The following NRM variants were observed in gnomAD, a reference collection of about 807,000 sequenced individuals.
NRM encodes the protein nurim, also known as nuclear rim protein.
NRM carries 19 observed loss-of-function variants against 23.4 expected under a neutral mutation model. The observed-to-expected ratio is 0.81, with a 90% CI of 0.57 to 1.19. The LOEUF (loss-of-function observed/expected upper bound fraction) is 1.19, where lower values mean the gene tolerates loss of function less well. NRM is among the 50% of genes most tolerant of loss of function. The pLI, the probability that NRM is intolerant of heterozygous loss-of-function variation, is 0.00. For synonymous variants in NRM, 140 were observed against 143.5 expected (o/e 0.98, Z 0.17); for missense variants, 232 against 329.7 (o/e 0.70, Z 2.30).
Position 30,690,500 on chromosome 6 carries a change from G to A in NRM, c.134-257C>T. 1 of 1,490,810 alleles carries A rather than the reference G, an allele frequency of 6.7e-7. No homozygotes were observed. Among genetic ancestry groups the A allele is most frequent in the Non-Finnish European group, 9.0e-7 (1 of 1,106,662 alleles). 92.3% of individuals were successfully genotyped at this position (1,490,810 alleles called of 1,614,324 possible). A position where few individuals can be genotyped will look rare whatever the true frequency, so the allele number is the denominator to read the frequency against. Reference sequence around the variant, plus strand: ...AGTTGCAAAAAGCATGGCTGGAGAGGCCACGCTGGATTGCCCCTCTTACTT... The same window carrying A: ...AGTTGCAAAAAGCATGGCTGGAGAGACCACGCTGGATTGCCCCTCTTACTT... On this transcript the variant is annotated intron_variant, in intron 1 of 3. Coordinates refer to ENST00000376421, the MANE Select transcript of NRM (RefSeq NM_001384369.1). This position sits in a 1 kb window ranked among gnomAD's most constrained non-coding sequence, Gnocchi z 5.5.
At position 30,689,087 on chromosome 6, in the gene NRM, T is replaced by A; in HGVS notation, c.508-145A>T. The A allele has an allele frequency of 8.8e-7, 1 of 1,130,240 alleles. No individual in the cohort carries two copies. The highest frequency in any genetic ancestry group is 1.2e-6 in the Non-Finnish European group (1 of 814,740). The allele number at this position is 1,130,240 out of a possible 1,614,324, so 70.0% of individuals were successfully genotyped here. A position where few individuals can be genotyped will look rare whatever the true frequency, so the allele number is the denominator to read the frequency against. Reference sequence around the variant, plus strand: ...GACTTGGATCCCTGATCCTGACTTCTGATCCATGTACCTTCCCCAGGCCCA... The same window carrying A: ...GACTTGGATCCCTGATCCTGACTTCAGATCCATGTACCTTCCCCAGGCCCA... On this transcript the variant is annotated intron_variant, in intron 3 of 3. Coordinates refer to ENST00000376421, the MANE Select transcript of NRM (RefSeq NM_001384369.1). The surrounding 1 kb of genome is among the most constrained non-coding windows in gnomAD (Gnocchi z 4.7).
upstream of NRM, chr6:30,691,032 C>T: frequency 6.5e-7 from 1 of 1,536,610 alleles, no homozygotes; most frequent in Non-Finnish European, 8.8e-7. Flanking sequence ...TGCCACAGGC[C>T]CCGCCCGCGG....
At chr6:30,691,069 G>A (rs1321478892), upstream of NRM, 2 of 1,413,942 alleles carry the variant, frequency 1.4e-6, no homozygotes. Flanking sequence ...ATCCAGCCCA[G>A]GAGGGCGGGG....
Position 30,688,678 on chromosome 6 carries a change from C to G in NRM, c.772G>C (p.Asp258His). The G allele has an allele frequency of 6.2e-7, 1 of 1,613,768 alleles. No individual in the cohort carries two copies. The highest frequency in any genetic ancestry group is 8.5e-7 in the Non-Finnish European group (1 of 1,179,852). ...RKLHLLSRPQ[D>H]GEAE ...TGAGCTCCTCACTCTGCCTCCCCAT[C>G]CTGGGGCCGAGAGAGCAGGTGGAGT... The change falls in exon 4 of 4, where the codon GAT (aspartate) becomes CAT (histidine). Residue 258 changes from aspartate to histidine, a missense_variant. Asp to His is a moderately conservative substitution (Grantham distance 81). Coordinates refer to ENST00000376421, the MANE Select transcript of NRM (RefSeq NM_001384369.1). The surrounding 1 kb of genome is among the most constrained non-coding windows in gnomAD (Gnocchi z 5.9).
At position 30,690,943 on chromosome 6, in the gene NRM, G is replaced by A. The variant is rs1243249847; in HGVS notation, c.32C>T (p.Ala11Val). Reference protein sequence around the residue: MAPALLLIPAALASFILAFGT... With the variant: MAPALLLIPAVLASFILAFGT... Reference sequence around the variant, plus strand: ...AAAGGCCAGGATGAAAGAGGCGAGGGCAGCAGGGATCAGGAGCAGTGCAGG... The same window carrying A: ...AAAGGCCAGGATGAAAGAGGCGAGGACAGCAGGGATCAGGAGCAGTGCAGG... The change falls in exon 1 of 4, where the codon GCC (alanine) becomes GTC (valine). Residue 11 changes from alanine (A) to valine (V), a missense_variant. Coordinates refer to ENST00000376421, the MANE Select transcript of NRM (RefSeq NM_001384369.1). The surrounding 1 kb of genome is among the most constrained non-coding windows in gnomAD (Gnocchi z 5.5). 4.4e-6 allele frequency: 7 copies of A among 1,607,916 alleles called. No individual in the cohort carries two copies. The Admixed American group carries it at 1.2e-4, about 27-fold the overall frequency.
Position 30,689,462 on chromosome 6 carries a change from G to A in NRM, c.331-10C>T, listed in dbSNP as rs1242722384. ...AGTACCGCATCACCAGCTGTGGAAG[G>A]ATAAGGGGCTGGGTATCCCAGTGGC... On this transcript the variant is annotated splice_polypyrimidine_tract_variant and intron_variant, in intron 2 of 3. Transcript: ENST00000376421. This position sits in a 1 kb window ranked among gnomAD's most constrained non-coding sequence, Gnocchi z 4.7. 1 of 1,563,346 alleles carries A rather than the reference G, an allele frequency of 6.4e-7. No individual in the cohort carries two copies. Among genetic ancestry groups the A allele is most frequent in the East Asian group, 2.4e-5 (1 of 41,870 alleles).
In NRM at chr6:30,689,201, G is replaced by GA; in HGVS notation, c.507+74dup. 65 of 1,383,320 alleles carry GA rather than the reference G, an allele frequency of 4.7e-5. No homozygotes were observed. Among genetic ancestry groups the GA allele is most frequent in the Non-Finnish European group, 6.2e-5 (63 of 1,018,304 alleles). The allele number at this position is 1,383,320 out of a possible 1,614,324, so 85.7% of individuals were successfully genotyped here. On this transcript the variant is annotated intron_variant, in intron 3 of 3. Transcript: ENST00000376421. The surrounding 1 kb of genome is among the most constrained non-coding windows in gnomAD (Gnocchi z 4.7). ...GGGAGACAGTAGAAGAGCATGGGAG[G>GA]AGGGAAACCCTTGAAAGGGAACGAG...
At position 30,689,210 on chromosome 6, in the gene NRM, C is replaced by T; in HGVS notation, c.507+66G>A. ...TAGAAGAGCATGGGAGGAGGGAAAC[C>T]CTTGAAAGGGAACGAGGAGTTCTAA... On this transcript the variant is annotated intron_variant, in intron 3 of 3. Transcript: ENST00000376421. The surrounding 1 kb of genome is among the most constrained non-coding windows in gnomAD (Gnocchi z 4.7). 7 of 1,442,430 alleles carry T rather than the reference C, an allele frequency of 4.9e-6. No homozygotes were observed. Among genetic ancestry groups the T allele is most frequent in the Non-Finnish European group, 5.6e-6 (6 of 1,067,602 alleles). The allele number at this position is 1,442,430 out of a possible 1,614,324, so 89.4% of individuals were successfully genotyped here.
chr6:30,689,996 T>C lies in NRM; in HGVS notation c.330+51A>G. ...GCACCCCTCCCACACTTGGTCTCCC[T>C]TGGGGACTCAACTGCCAGGATTTCA... On this transcript the variant is annotated intron_variant, in intron 2 of 3. Coordinates refer to ENST00000376421, the MANE Select transcript of NRM (RefSeq NM_001384369.1). This position sits in a 1 kb window ranked among gnomAD's most constrained non-coding sequence, Gnocchi z 4.7. The C allele has an allele frequency of 6.3e-7, 1 of 1,578,266 alleles. No homozygotes were observed. The highest frequency in any genetic ancestry group is 8.6e-7 in the Non-Finnish European group (1 of 1,167,872).
At position 30,690,905 on chromosome 6, in the gene NRM, C is replaced by G. The variant is rs775927138; in HGVS notation, c.70G>C (p.Glu24Gln). ...SFILAFGTGV[E>Q]FVRFTSLRPL... ...CGAAGGGAGGTAAAGCGCACGAACT[C>G]CACTCCGGTGCCAAAGGCCAGGATG... The change falls in exon 1 of 4, where the codon GAG (glutamate) becomes CAG (glutamine). Residue 24 changes from glutamate to glutamine, a missense_variant. Transcript: ENST00000376421. This position sits in a 1 kb window ranked among gnomAD's most constrained non-coding sequence, Gnocchi z 5.5. 4 of 1,613,102 alleles carry G rather than the reference C, an allele frequency of 2.5e-6. No individual in the cohort carries two copies. In the Admixed American group the frequency reaches 6.7e-5, roughly 27 times the overall value.
At chr6:30,691,004 C>T (rs967211775), upstream of NRM, 15 of 594,352 alleles carry the variant, frequency 2.5e-5, no homozygotes, top group Non-Finnish European at 3.9e-5. Flanking sequence ...GGGAAAGGGG[C>T]GGGGTCGGGA....
rs1361996655 is a variant in NRM at position 30,689,818 on chromosome 6, A to G, written c.330+229T>C. Among the ~76,000 whole-genome samples, 1 of 152,198 alleles carries G rather than the reference A, an allele frequency of 6.6e-6. No individual in the cohort carries two copies. The highest frequency in any genetic ancestry group is 1.5e-5 in the Non-Finnish European group (1 of 68,028). ...AAGGGATCTCAAGCAGGACATAAACAAAGTTGCAGAGGTGAGAAGCATATC... is the reference window on the plus strand; with the variant it reads ...AAGGGATCTCAAGCAGGACATAAACGAAGTTGCAGAGGTGAGAAGCATATC... On this transcript the variant is annotated intron_variant, in intron 2 of 3. Coordinates refer to ENST00000376421, the MANE Select transcript of NRM (RefSeq NM_001384369.1). This position sits in a 1 kb window ranked among gnomAD's most constrained non-coding sequence, Gnocchi z 4.7.
chr6:30,689,249 T>C lies in NRM; in HGVS notation c.507+27A>G. ...GAGGAGTTCTAAAATGGGTCAGAGG[T>C]CATAGGTAGGGATCTCGGAGCCTCA... On this transcript the variant is annotated intron_variant, in intron 3 of 3. Transcript: ENST00000376421. The surrounding 1 kb of genome is among the most constrained non-coding windows in gnomAD (Gnocchi z 4.7). 6.5e-7 allele frequency: 1 copy of C among 1,545,412 alleles called. No individual in the cohort carries two copies.
In NRM at chr6:30,689,039, A is replaced by T. The variant is rs975285933; in HGVS notation, c.508-97T>A. 4.5e-6 allele frequency: 6 copies of T among 1,338,754 alleles called. No homozygotes were observed. The African/African-American group carries it at 8.8e-5, about 20-fold the overall frequency. 82.9% of individuals were successfully genotyped at this position (1,338,754 alleles called of 1,614,324 possible). A position where few individuals can be genotyped will look rare whatever the true frequency, so the allele number is the denominator to read the frequency against. On this transcript the variant is annotated intron_variant, in intron 3 of 3. Transcript: ENST00000376421. The surrounding 1 kb of genome is among the most constrained non-coding windows in gnomAD (Gnocchi z 4.7). The stretch of plus-strand genomic sequence containing the variant: ...TCCAGGCACCACCCTTCTAGAACTC[A>T]GGCCCAGGAACCCCCCTTCTGAGAC...
Position 30,689,403 on chromosome 6 carries a change from T to TC in NRM, c.379dup (p.Glu127GlyfsTer5). The TC allele has an allele frequency of 6.4e-7, 1 of 1,572,600 alleles. No homozygotes were observed. The highest frequency in any genetic ancestry group is 8.6e-7 in the Non-Finnish European group (1 of 1,159,068). ...GGTGGCCCATGGCTCAGCCCGAGCCTCCCACAACACAGGGCCTTTGGGTAT... is the reference window on the plus strand; with the variant it reads ...GGTGGCCCATGGCTCAGCCCGAGCCTCCCCACAACACAGGGCCTTTGGGTAT... On this transcript the variant is annotated frameshift_variant, in exon 3 of 4. Coordinates refer to ENST00000376421, the MANE Select transcript of NRM (RefSeq NM_001384369.1). LOFTEE classifies it high-confidence loss of function. The surrounding 1 kb of genome is among the most constrained non-coding windows in gnomAD (Gnocchi z 4.7).
Position 30,689,923 on chromosome 6 carries a change from G to T in NRM, c.330+124C>A. The stretch of plus-strand genomic sequence containing the variant: ...TGTGGAGGAATGGAAGCTGAGATTA[G>T]TTCCTCAATTCTCCTCCTGAACCCA... On this transcript the variant is annotated intron_variant, in intron 2 of 3. Transcript: ENST00000376421. The surrounding 1 kb of genome is among the most constrained non-coding windows in gnomAD (Gnocchi z 4.7). 1 of 871,394 alleles carries T rather than the reference G, an allele frequency of 1.1e-6. No individual in the cohort carries two copies. The highest frequency in any genetic ancestry group is 1.8e-6 in the Non-Finnish European group (1 of 566,578). The allele number at this position is 871,394 out of a possible 1,614,324, so 54.0% of individuals were successfully genotyped here. A position where few individuals can be genotyped will look rare whatever the true frequency, so the allele number is the denominator to read the frequency against.
At position 30,690,925 on chromosome 6, in the gene NRM, A is replaced by G. The variant is rs751703731; in HGVS notation, c.50T>C (p.Leu17Pro). 4.6e-6 allele frequency: 7 copies of G among 1,519,806 alleles called. No individual in the cohort carries two copies. The highest frequency in any genetic ancestry group is 5.4e-6 in the Non-Finnish European group (6 of 1,119,888). 94.1% of individuals were successfully genotyped at this position (1,519,806 alleles called of 1,614,324 possible). A position where few individuals can be genotyped will look rare whatever the true frequency, so the allele number is the denominator to read the frequency against. ...LIPAALASFI[L>P]AFGTGVEFVR... The stretch of plus-strand genomic sequence containing the variant: ...GAACTCCACTCCGGTGCCAAAGGCC[A>G]GGATGAAAGAGGCGAGGGCAGCAGG... Residue 17 changes from leucine to proline, a missense_variant, in exon 1 of 4, where the codon CTG becomes CCG. Physicochemically the swap from Leu to Pro is moderately conservative, Grantham distance 98. Transcript: ENST00000376421. The surrounding 1 kb of genome is among the most constrained non-coding windows in gnomAD (Gnocchi z 5.5).
At position 30,690,048 on chromosome 6, in the gene NRM, T is replaced by C; in HGVS notation, c.329A>G (p.Gln110Arg). The change falls in exon 2 of 4, where the codon CAG becomes CGG. Residue 110 changes from glutamine (Q) to arginine (R), a missense_variant and splice_region_variant. Transcript: ENST00000376421. This position sits in a 1 kb window ranked among gnomAD's most constrained non-coding sequence, Gnocchi z 5.5. ...LYVACTALAL[Q>R]LVMRYWEPIP... ...ACCTGCAAGGCCAGGGCCTCATACC[T>C]GCAAGGCCAGGGCAGTGCAGGCCAC... 1 of 1,602,846 alleles carries C rather than the reference T, an allele frequency of 6.2e-7. No individual in the cohort carries two copies. Among genetic ancestry groups the C allele is most frequent in the Middle Eastern group, 1.7e-4 (1 of 6,024 alleles).
chr6:30,691,049 C>T, upstream of NRM: 2 of 1,517,322 alleles, frequency 1.3e-6, no homozygotes, highest in Non-Finnish European at 1.8e-6. Flanking sequence ...GCGGCCCCGC[C>T]CCCGGCTGAA....
Sources: allele counts gnomAD v4.1 joint callset (sites outside exome capture counted in the v4.1 genomes callset), GRCh38; gene constraint gnomAD v4.1.1; non-coding constraint Gnocchi (gnomAD v3.1); transcripts MANE v1.5; gene names NCBI Gene and HGNC (gene_info 2026-07-23, HGNC 2026-07-21).